Variants in TASP1 observed in about 807,000 individuals in gnomAD.
The protein encoded by TASP1 is taspase 1.
In TASP1, 16 loss-of-function variants were observed where a neutral mutation model predicts 56.6. The ratio of observed to expected loss-of-function variants is 0.28; its 90% CI spans 0.19 to 0.43. The LOEUF is 0.43. Ranked by LOEUF, TASP1 falls within the 20% of genes least tolerant of loss-of-function variation. The pLI, the probability that TASP1 is intolerant of heterozygous loss-of-function variation, is 1.00. For missense variants in TASP1, 393 were observed against 511.6 expected (o/e 0.77, Z 2.24); for synonymous variants, 179 against 184.2 (o/e 0.97, Z 0.23).
the TASP1 span, among the ~76,000 whole-genome samples, chr20:13,366,963 G>T: frequency 6.6e-6 from 1 of 152,186 alleles, no homozygotes; most frequent in African/African-American, 2.4e-5. Context: ...AGGAGTGGAA[G>T]TACCAAATGC....
chr20:13,567,421 A>C (rs1179783736), intron 7 of TASP1, among the ~76,000 whole-genome samples: 1 of 152,204 alleles, frequency 6.6e-6, no homozygotes, highest in East Asian at 1.9e-4. Flanking sequence ...TAAAATTAAA[A>C]GTGTTTAAAA....
At chr20:13,386,987 A>G (rs1281501018), downstream of TASP1, among the ~76,000 whole-genome samples, 3 of 152,096 alleles carry the variant, frequency 2.0e-5, no homozygotes, top group African/African-American at 7.2e-5. Flanking sequence ...ATAGGACCCG[A>G]TAGGTGGTTT....
chr20:13,176,362 G>A, the TASP1 span, among the ~76,000 whole-genome samples: 7 of 152,170 alleles, frequency 4.6e-5, no homozygotes, highest in East Asian at 1.2e-3. Context: ...TTTGTCATAT[G>A]TGGCCTTTAT....
At chr20:13,293,283 C>T in the TASP1 span, among the ~76,000 whole-genome samples, 1 of 151,764 alleles carries the variant, frequency 6.6e-6, no homozygotes, top group African/African-American at 2.4e-5. Context: ...AATGGTAGAG[C>T]AAATGCAATA....
chr20:13,442,472 G>T (rs2043252372), intron 11 of TASP1, among the ~76,000 whole-genome samples: 1 of 152,068 alleles, frequency 6.6e-6, no homozygotes, highest in Non-Finnish European at 1.5e-5. Context: ...ATGAAACCCT[G>T]TCTCTACTAA....
chr20:13,429,349 G>GA (rs1027585272), intron 12 of TASP1, among the ~76,000 whole-genome samples: 7 of 152,106 alleles, frequency 4.6e-5, no homozygotes, highest in African/African-American at 1.4e-4. Flanking sequence ...GTTATTGCGG[G>GA]AAAAAAATAA....
the TASP1 span, among the ~76,000 whole-genome samples, chr20:13,364,522 C>T: frequency 6.6e-6 from 1 of 152,042 alleles, no homozygotes; most frequent in Non-Finnish European, 1.5e-5. Flanking sequence ...TCTTTTGTCC[C>T]CATAGTGACC....
chr20:13,473,341 G>A (rs549552478), intron 11 of TASP1, among the ~76,000 whole-genome samples: 1 of 151,840 alleles, frequency 6.6e-6, no homozygotes, highest in East Asian at 1.9e-4. Context: ...CTGTTGTGGG[G>A]TGGGGGGATG....
At chr20:13,604,254 T>C (rs1210654065) in intron 4 of TASP1, among the ~76,000 whole-genome samples, 1 of 152,146 alleles carries the variant, frequency 6.6e-6, no homozygotes, top group East Asian at 1.9e-4. Context: ...GTAGGAGGTA[T>C]CTGGGTCATG....
At chr20:13,581,281 A>G (rs1462040548) in intron 5 of TASP1, among the ~76,000 whole-genome samples, 1 of 152,210 alleles carries the variant, frequency 6.6e-6, no homozygotes, top group East Asian at 1.9e-4. Context: ...GTTCCTTTTT[A>G]ATAGATTTCA....
chr20:13,503,616 T>C (rs560503877), intron 10 of TASP1, among the ~76,000 whole-genome samples: 1 of 150,098 alleles, frequency 6.7e-6, no homozygotes, highest in East Asian at 2.0e-4. Context: ...CATTAATTGA[T>C]CAAAAAAATG....
At chr20:13,625,580 G>A (rs1164450736) in intron 2 of TASP1, among the ~76,000 whole-genome samples, 1 of 152,182 alleles carries the variant, frequency 6.6e-6, no homozygotes, top group Non-Finnish European at 1.5e-5. Context: ...AACCCAGAAG[G>A]TGTCGGGGAC....
At chr20:13,274,077 G>GTGTGTA in the TASP1 span, among the ~76,000 whole-genome samples, 2 of 150,778 alleles carry the variant, frequency 1.3e-5, no homozygotes, top group African/African-American at 2.4e-5. Context: ...GTGTGTGTGT[G>GTGTGTA]TATGTGTGCA....
chr20:13,558,189 T>C (rs1467024148), intron 8 of TASP1, among the ~76,000 whole-genome samples: 2 of 152,130 alleles, frequency 1.3e-5, no homozygotes, highest in Non-Finnish European at 2.9e-5. Context: ...ACAGAAGAAC[T>C]AAACAATAAA....
chr20:13,279,730 C>G, the TASP1 span: 20 of 1,614,022 alleles, frequency 1.2e-5, no homozygotes, highest in South Asian at 1.8e-4. Flanking sequence ...CCCCGACTGG[C>G]GGGCCTGGTG....
the TASP1 span, among the ~76,000 whole-genome samples, chr20:13,219,511 T>C: frequency 3.8e-4 from 56 of 146,866 alleles, no homozygotes; most frequent in African/African-American, 1.2e-3. Context: ...GAGATAGAAA[T>C]AAGATGTCTG....
chr20:13,343,850 C>T, the TASP1 span, among the ~76,000 whole-genome samples: 5 of 151,994 alleles, frequency 3.3e-5, no homozygotes, highest in Admixed American at 6.6e-5. Context: ...TCTATTCCTG[C>T]AGAATCCAGG....
the TASP1 span, among the ~76,000 whole-genome samples, chr20:13,371,809 A>AT: frequency 6.6e-6 from 1 of 152,148 alleles, no homozygotes; most frequent in African/African-American, 2.4e-5. Flanking sequence ...TCAGTCATGT[A>AT]TTTTGGGATT....
chr20:13,180,516 C>T, the TASP1 span, among the ~76,000 whole-genome samples: 3,376 of 152,304 alleles, frequency 0.022, 57 homozygotes, highest in South Asian at 0.03. Context: ...AGACTGCTGT[C>T]TCCTCTAAGT....
Sources: gnomAD v4.1 joint callset for allele counts (sites outside exome capture counted in the v4.1 genomes callset) on GRCh38, gnomAD v4.1.1 for gene constraint, MANE v1.5 for transcripts, NCBI Gene and HGNC (gene_info 2026-07-23, HGNC 2026-07-21) for gene names.